Variants in KIF1C observed in about 807,000 individuals in gnomAD.
KIF1C encodes kinesin-like protein KIF1C.
KIF1C carries 61 observed loss-of-function variants against 126.5 expected under a neutral mutation model. The observed-to-expected ratio is 0.48, with a 90% CI of 0.39 to 0.60. The LOEUF (loss-of-function observed/expected upper bound fraction) is 0.60, where lower values mean the gene tolerates loss of function less well. Among genes scored for constraint, KIF1C ranks in the 20% least tolerant of loss-of-function variants. The pLI is 0.00. For missense variants in KIF1C, 1,315 were observed against 1,489.2 expected (o/e 0.88, Z 1.93); for synonymous variants, 640 against 580.6 (o/e 1.10, Z -1.47).
rs1975176167 is a variant in KIF1C, at chr17:5,024,685, A to T, written c.*534A>T. On this transcript the variant is annotated 3_prime_UTR_variant, in exon 23 of 23. Coordinates refer to ENST00000320785, the MANE Select transcript of KIF1C (RefSeq NM_006612.6). ...CCCATGAGGATGTGGGCCCTTTAATAAAGGATAGCAAACAGGGAGCTTGTG... is the reference window on the plus strand; with the variant it reads ...CCCATGAGGATGTGGGCCCTTTAATTAAGGATAGCAAACAGGGAGCTTGTG... The T allele has an allele frequency of 6.5e-6, 1 of 153,830 alleles. No homozygotes were observed. Among genetic ancestry groups the T allele is most frequent in the East Asian group, 1.9e-4 (1 of 5,186 alleles). 9.5% of individuals were successfully genotyped at this position (153,830 alleles called of 1,614,324 possible).
At chr17:5,004,757 C>T (rs1333526332) in intron 12 of KIF1C, 98 bp from the exon 13 acceptor site, 1 of 1,595,670 alleles carries the variant, frequency 6.3e-7, no homozygotes. Context: ...CGGAGCCTTG[C>T]CACAATATCT....
chr17:5,018,410 T>C (rs1217486544), intron 18 of KIF1C, among the ~76,000 whole-genome samples: 1 of 152,036 alleles, frequency 6.6e-6, no homozygotes, highest in Admixed American at 6.6e-5. Context: ...CTCATGCCTG[T>C]GATTCCAGCA....
In KIF1C at chr17:5,023,315, G is replaced by A. The variant is rs746714330; in HGVS notation, c.2629-153G>A. The stretch of plus-strand genomic sequence containing the variant: ...ATTACAGGCGTGAGCCACTGCGCCC[G>A]GCCCTAAACCACTATTTTTCGAGCT... On this transcript the variant is annotated intron_variant, in intron 22 of 22. Coordinates refer to ENST00000320785, the MANE Select transcript of KIF1C (RefSeq NM_006612.6). The surrounding 1 kb of genome is among the most constrained non-coding windows in gnomAD (Gnocchi z 4.2). Among the ~76,000 whole-genome samples, 4 of 152,024 alleles carry A rather than the reference G, an allele frequency of 2.6e-5. No homozygotes were observed. Among genetic ancestry groups the A allele is most frequent in the Non-Finnish European group, 5.9e-5 (4 of 68,006 alleles).
intron 13 of KIF1C, among the ~76,000 whole-genome samples, chr17:5,006,666 A>C (rs1597848954): frequency 6.6e-6 from 1 of 152,152 alleles, no homozygotes; most frequent in Non-Finnish European, 1.5e-5. Context: ...GGTGCAAATC[A>C]TCTAATAGTG....
At position 5,024,178 on chromosome 17, in the gene KIF1C, G is replaced by GT. The variant is rs1160914393; in HGVS notation, c.*28dup. 1 of 1,530,116 alleles carries GT rather than the reference G, an allele frequency of 6.5e-7. No individual in the cohort carries two copies. Among genetic ancestry groups the GT allele is most frequent in the Non-Finnish European group, 8.9e-7 (1 of 1,126,842 alleles). 94.8% of individuals were successfully genotyped at this position (1,530,116 alleles called of 1,614,324 possible). A position where few individuals can be genotyped will look rare whatever the true frequency, so the allele number is the denominator to read the frequency against. ...TCCCACATCCTGGGCAGAGGGCCTGGTGGGGCCCCTTGCTAGGAGAAGGGA... is the reference window on the plus strand; with the variant it reads ...TCCCACATCCTGGGCAGAGGGCCTGGTTGGGGCCCCTTGCTAGGAGAAGGGA... On this transcript the variant is annotated 3_prime_UTR_variant, in exon 23 of 23. Transcript: ENST00000320785.
chr17:5,020,954 C>T lies in KIF1C; in HGVS notation c.2010+76C>T, dbSNP rs1597862587. 1.9e-5 allele frequency: 25 copies of T among 1,324,954 alleles called. No homozygotes were observed. In the East Asian group the frequency reaches 4.3e-4, roughly 23 times the overall value. 82.1% of individuals were successfully genotyped at this position (1,324,954 alleles called of 1,614,324 possible). The stretch of plus-strand genomic sequence containing the variant: ...GCCTGAGTCCGAGTGCAGTGCTCAC[C>T]GCTGAGCCAGAGTGGGAAATGGGCA... On this transcript the variant is annotated intron_variant, in intron 21 of 22. Coordinates refer to ENST00000320785, the MANE Select transcript of KIF1C (RefSeq NM_006612.6). This position sits in a 1 kb window ranked among gnomAD's most constrained non-coding sequence, Gnocchi z 5.8.
chr17:5,003,625 G>C lies in KIF1C; in HGVS notation c.734G>C (p.Ser245Thr). 6.2e-7 allele frequency: 1 copy of C among 1,613,408 alleles called. No individual in the cohort carries two copies. Among genetic ancestry groups the C allele is most frequent in the Non-Finnish European group, 8.5e-7 (1 of 1,179,646 alleles). Residue 245 changes from serine (S) to threonine (T), a missense_variant, in exon 9 of 23, where the codon AGT (serine) becomes ACT (threonine). Transcript: ENST00000320785. Reference sequence around the variant, plus strand: ...CTCTGACCCCAGGTCAGTAAGATCAGTTTGGTGGACCTTGCTGGGAGTGAG... The same window carrying C: ...CTCTGACCCCAGGTCAGTAAGATCACTTTGGTGGACCTTGCTGGGAGTGAG... ...GLDSEKVSKI[S>T]LVDLAGSERA...
chr17:4,999,219 T>A (rs1476418241), intron 1 of KIF1C, among the ~76,000 whole-genome samples: 1 of 152,178 alleles, frequency 6.6e-6, no homozygotes, highest in Non-Finnish European at 1.5e-5. Context: ...GGGCCCTACC[T>A]ACAGTCCTTG....
chr17:5,020,241 G>A lies in KIF1C; in HGVS notation c.1750+162G>A. On this transcript the variant is annotated intron_variant, in intron 19 of 22. Transcript: ENST00000320785. This position sits in a 1 kb window ranked among gnomAD's most constrained non-coding sequence, Gnocchi z 5.8. Reference sequence around the variant, plus strand: ...TGGGAAGTGAAGGTCAAGGAGTCAGGTCTTGGTTTCTCTTTCCGCCCCAGG... The same window carrying A: ...TGGGAAGTGAAGGTCAAGGAGTCAGATCTTGGTTTCTCTTTCCGCCCCAGG... 2 of 701,506 alleles carry A rather than the reference G, an allele frequency of 2.9e-6. No homozygotes were observed. Among genetic ancestry groups the A allele is most frequent in the Non-Finnish European group, 5.0e-6 (2 of 403,672 alleles). 43.5% of individuals were successfully genotyped at this position (701,506 alleles called of 1,614,324 possible).
intron 12 of KIF1C, 56 bp from the exon 13 acceptor site, chr17:5,004,799 C>G: frequency 6.2e-7 from 1 of 1,610,292 alleles, no homozygotes; most frequent in Non-Finnish European, 8.5e-7. Context: ...GGAGAAACAG[C>G]AGACCAAGGG....
intron 16 of KIF1C, among the ~76,000 whole-genome samples, chr17:5,007,842 C>G (rs1402844057): frequency 6.6e-6 from 1 of 152,080 alleles, no homozygotes; most frequent in Non-Finnish European, 1.5e-5. Context: ...TGTGCATGCT[C>G]AAAAAGATAA....
At chr17:5,007,413 G>A in intron 15 of KIF1C, 54 bp from the exon 16 acceptor site, 1 of 1,611,294 alleles carries the variant, frequency 6.2e-7, no homozygotes, top group Non-Finnish European at 8.5e-7. Context: ...CCACAGGGAA[G>A]GAGGTCACGG....
Position 5,023,441 on chromosome 17 carries a change from TCTC to T in KIF1C, c.2629-24_2629-22del, listed in dbSNP as rs774918532. ...AGGATTCAGCTCTCCTCACATCCCT[TCTC>T]CTTTTCTCACTCCTCCCTCCCAGGA... On this transcript the variant is annotated intron_variant, in intron 22 of 22. Coordinates refer to ENST00000320785, the MANE Select transcript of KIF1C (RefSeq NM_006612.6). This position sits in a 1 kb window ranked among gnomAD's most constrained non-coding sequence, Gnocchi z 4.2. 7.5e-6 allele frequency: 12 copies of T among 1,598,642 alleles called. No individual in the cohort carries two copies. The highest frequency in any genetic ancestry group is 5.4e-5 in the African/African-American group (4 of 74,488).
Position 5,024,398 on chromosome 17 carries a change from C to A in KIF1C, c.*247C>A, listed in dbSNP as rs573909546. 5.0e-6 allele frequency: 2 copies of A among 398,634 alleles called. No homozygotes were observed. The highest frequency in any genetic ancestry group is 6.7e-5 in the South Asian group (1 of 14,904). The allele number at this position is 398,634 out of a possible 1,614,324, so 24.7% of individuals were successfully genotyped here. A position where few individuals can be genotyped will look rare whatever the true frequency, so the allele number is the denominator to read the frequency against. On this transcript the variant is annotated 3_prime_UTR_variant, in exon 23 of 23. Transcript: ENST00000320785. ...GAAGCTGCCTCGGGGCCACCCCTTG[C>A]AAAGGGGGTGTGTCCCACAAACGCT...
Position 5,004,881 on chromosome 17 carries a change from G to T in KIF1C, c.1046G>T (p.Arg349Leu). The change falls in exon 13 of 23, where the codon CGC becomes CTC. Residue 349 changes from arginine (R) to leucine (L), a missense_variant. Arg to Leu is a moderately radical substitution (Grantham distance 102). Transcript: ENST00000320785. ...LRYADRTKQI[R>L]CNAIINEDPN... is the part of the protein sequence containing the mutation. ...TATGCTGACCGCACCAAGCAAATCC[G>T]CTGCAATGCCATCATCAACGAGGAC... The T allele has an allele frequency of 1.2e-6, 2 of 1,614,238 alleles. No homozygotes were observed. The highest frequency in any genetic ancestry group is 1.7e-6 in the Non-Finnish European group (2 of 1,180,052).
chr17:5,027,989 A>C lies in KIF1C; in HGVS notation c.*3838A>C, dbSNP rs1975237263. ...AAAAATAAAAAGAACATCAGACATC[A>C]CCATCACCTCGCTTAGAATCCATGG... On this transcript the variant is annotated 3_prime_UTR_variant, in exon 23 of 23. Coordinates refer to ENST00000320785, the MANE Select transcript of KIF1C (RefSeq NM_006612.6). The C allele has an allele frequency of 6.6e-6, 1 of 152,096 alleles. No individual in the cohort carries two copies. The highest frequency in any genetic ancestry group is 6.6e-5 in the Admixed American group (1 of 15,254). The allele number at this position is 152,096 out of a possible 1,614,324, so 9.4% of individuals were successfully genotyped here.
Position 5,001,309 on chromosome 17 carries a change from G to T in KIF1C, c.271G>T (p.Val91Leu), listed in dbSNP as rs747110877. 3.1e-6 allele frequency: 5 copies of T among 1,614,158 alleles called. No homozygotes were observed. The change falls in exon 5 of 23, where the codon GTG becomes TTG. Residue 91 changes from valine to leucine, a missense_variant. By Grantham distance (32) the Val-to-Leu change is conservative (BLOSUM62 1). This residue lies in a region of KIF1C where 874 missense variants were observed against 1,053.2 expected (regional missense o/e 0.83). Transcript: ENST00000320785. ...MLLHAFEGYN[V>L]CIFAYGQTGA... The stretch of plus-strand genomic sequence containing the variant: ...GCTCCACGCCTTTGAAGGCTACAAC[G>T]TGTGCATCTTTGCCTATGGGCAGAC...
rs145793651 is a variant in KIF1C at position 5,017,725 on chromosome 17, C to T, written c.1667-2271C>T. ...TTACTGACCATCTACTCTGTGCGTC[C>T]GCATTTTCTCACACAGCTCACAGGT... is the stretch of plus-strand genomic sequence containing the variant. On this transcript the variant is annotated intron_variant, in intron 18 of 22. Transcript: ENST00000320785. 9.3e-4 allele frequency among the ~76,000 whole-genome samples: 141 copies of T among 151,690 alleles called. 1 individual carries two copies. The highest frequency in any genetic ancestry group is 1.6e-3 in the Admixed American group (25 of 15,172).
At position 5,003,534 on chromosome 17, in the gene KIF1C, C is replaced by A; in HGVS notation, c.721-78C>A. 2.9e-6 allele frequency: 3 copies of A among 1,031,286 alleles called. No homozygotes were observed. In the South Asian group the frequency reaches 4.6e-5, roughly 16 times the overall value. 63.9% of individuals were successfully genotyped at this position (1,031,286 alleles called of 1,614,324 possible). The stretch of plus-strand genomic sequence containing the variant: ...CTAGCCCTTGCCAGCTGCCCACATT[C>A]CTGCTGGGTGCTTCCCTGATTTCCC... On this transcript the variant is annotated intron_variant, in intron 8 of 22. Transcript: ENST00000320785.
Sources: gnomAD v4.1 joint callset for allele counts (sites outside exome capture counted in the v4.1 genomes callset) on GRCh38, gnomAD v4.1.1 for gene constraint, gnomAD v4.1.1 regional missense constraint, Gnocchi (gnomAD v3.1) non-coding constraint, MANE v1.5 for transcripts, NCBI Gene and HGNC (gene_info 2026-07-23, HGNC 2026-07-21) for gene names.